The following PRKAG2 variants were observed in gnomAD, a reference collection of about 807,000 sequenced individuals.
PRKAG2 encodes the protein 5'-AMP-activated protein kinase subunit gamma-2.
A neutral mutation model predicts 69.6 loss-of-function variants in PRKAG2; 26 were observed. The ratio of observed to expected loss-of-function variants is 0.37; its 90% confidence interval spans 0.27 to 0.52. PRKAG2 has a LOEUF of 0.52. PRKAG2 is among the 20% of genes least tolerant of loss of function. PRKAG2 has a pLI of 0.90. For missense variants in PRKAG2, 557 were observed against 740.0 expected (o/e 0.75, Z 2.87); for synonymous variants, 293 against 285.0 (o/e 1.03, Z -0.28).
intron 3 of PRKAG2, among the ~76,000 whole-genome samples, chr7:151,723,365 T>C (rs1489881104): frequency 6.6e-6 from 1 of 152,208 alleles, no homozygotes; most frequent in Non-Finnish European, 1.5e-5. Context: ...TGAAGGACCA[T>C]GACGCATTCG....
At chr7:151,715,890 G>C (rs1015676994) in intron 3 of PRKAG2, among the ~76,000 whole-genome samples, 1 of 152,196 alleles carries the variant, frequency 6.6e-6, no homozygotes, top group Non-Finnish European at 1.5e-5. Context: ...TCGCTCACAG[G>C]GCGGCGGTCC....
chr7:151,644,737 G>A (rs1827283412), intron 4 of PRKAG2, among the ~76,000 whole-genome samples: 1 of 152,174 alleles, frequency 6.6e-6, no homozygotes, highest in South Asian at 2.1e-4. Flanking sequence ...GTAGGTGTGT[G>A]TTTAATATGA....
intron 1 of PRKAG2, among the ~76,000 whole-genome samples, chr7:151,862,361 A>C (rs1465353262): frequency 6.6e-6 from 1 of 152,164 alleles, no homozygotes; most frequent in African/African-American, 2.4e-5. Flanking sequence ...ACAAGACATG[A>C]TTTGTCTGAA....
intron 3 of PRKAG2, among the ~76,000 whole-genome samples, chr7:151,757,865 G>A (rs535820971): frequency 2.6e-4 from 39 of 152,352 alleles, no homozygotes; most frequent in African/African-American, 8.4e-4. Flanking sequence ...ATATTGCTTC[G>A]TAAAAGGGCT....
intron 2 of PRKAG2, among the ~76,000 whole-genome samples, chr7:151,783,089 TC>T (rs1475814035): frequency 6.6e-6 from 1 of 152,180 alleles, no homozygotes; most frequent in African/African-American, 2.4e-5. Flanking sequence ...CTGGGGACGT[TC>T]TTCCGCCACT....
intron 1 of PRKAG2, among the ~76,000 whole-genome samples, chr7:151,804,305 T>C (rs1166779461): frequency 6.6e-6 from 1 of 152,228 alleles, no homozygotes; most frequent in Non-Finnish European, 1.5e-5. Flanking sequence ...AATAAAAACT[T>C]GGTCCATACT....
rs774372457 is a variant in PRKAG2, at chr7:151,576,382, T to C, written c.935A>G (p.Gln312Arg). The C allele has an allele frequency of 6.2e-7, 1 of 1,607,092 alleles. No individual in the cohort carries two copies. Among genetic ancestry groups the C allele is most frequent in the Non-Finnish European group, 8.5e-7 (1 of 1,173,664 alleles). ...RAAPLWESKK[Q>R]SFVGMLTITD... ...CCCACACTGCTTACCTACAAAACTTTGTTTTTTACTCTCCCACAGTGGCGC... is the reference window on the plus strand; with the variant it reads ...CCCACACTGCTTACCTACAAAACTTCGTTTTTTACTCTCCCACAGTGGCGC... The change falls in exon 7 of 16, where the codon CAA becomes CGA. Residue 312 changes from glutamine to arginine, a missense_variant. This residue lies in a region of PRKAG2 where 205 missense variants were observed against 383.4 expected (regional missense o/e 0.53). Coordinates refer to ENST00000287878, the MANE Select transcript of PRKAG2 (RefSeq NM_016203.4).
chr7:151,595,457 A>G lies in PRKAG2; in HGVS notation c.755-3T>C, dbSNP rs771547169. The G allele has an allele frequency of 1.9e-6, 3 of 1,601,458 alleles. No homozygotes were observed. Among genetic ancestry groups the G allele is most frequent in the South Asian group, 1.1e-5 (1 of 90,814 alleles). On this transcript the variant is annotated splice_region_variant and splice_polypyrimidine_tract_variant and intron_variant, in intron 5 of 15. Transcript: ENST00000287878. ...ACCACTTTCTGAGTCTTCTACTGCTAAAAGAAAAAAAGGCAAAACATCAGT... is the reference window on the plus strand; with the variant it reads ...ACCACTTTCTGAGTCTTCTACTGCTGAAAGAAAAAAAGGCAAAACATCAGT...
intron 1 of PRKAG2, among the ~76,000 whole-genome samples, chr7:151,792,168 G>A (rs1041994333): frequency 1.8e-4 from 28 of 152,176 alleles, no homozygotes; most frequent in Admixed American, 1.2e-3. Flanking sequence ...TTGGCACAGT[G>A]TGACCTCAGG....
At chr7:151,709,637 T>G (rs1585952524) in intron 3 of PRKAG2, among the ~76,000 whole-genome samples, 2 of 152,142 alleles carry the variant, frequency 1.3e-5, no homozygotes, top group East Asian at 3.9e-4. Context: ...CATGTGACTG[T>G]CAGTGACATG....
At position 151,632,499 on chromosome 7, in the gene PRKAG2, C is replaced by G; in HGVS notation, c.685-361G>C. 1.1e-6 allele frequency: 1 copy of G among 888,218 alleles called. No individual in the cohort carries two copies. Among genetic ancestry groups the G allele is most frequent in the Non-Finnish European group, 1.3e-6 (1 of 741,894 alleles). 55.0% of individuals were successfully genotyped at this position (888,218 alleles called of 1,614,324 possible). A position where few individuals can be genotyped will look rare whatever the true frequency, so the allele number is the denominator to read the frequency against. ...GGCGCCCCCCTCCGGCCGTGGCCCG[C>G]GTCCTCCCCGCCGTGCCGCCATTGG... On this transcript the variant is annotated intron_variant, in intron 4 of 15. Coordinates refer to ENST00000287878, the MANE Select transcript of PRKAG2 (RefSeq NM_016203.4). The surrounding 1 kb of genome is among the most constrained non-coding windows in gnomAD (Gnocchi z 4.2).
At chr7:151,697,878 G>T (rs1007819332) in intron 3 of PRKAG2, among the ~76,000 whole-genome samples, 13 of 152,208 alleles carry the variant, frequency 8.5e-5, no homozygotes, top group Non-Finnish European at 1.5e-4. Flanking sequence ...GGGTCAAGGC[G>T]AATCCAAGCT....
At position 151,729,127 on chromosome 7, in the gene PRKAG2, G is replaced by C. The variant is rs1174965088; in HGVS notation, c.466+52025C>G. ...TGACGTAGGGAGAACAGGCAGATGG[G>C]TTATGAGCTTTTCCAGGCATGGATG... On this transcript the variant is annotated intron_variant, in intron 3 of 15. Transcript: ENST00000287878. Among the ~76,000 whole-genome samples, 29 of 126,642 alleles carry C rather than the reference G, an allele frequency of 2.3e-4. 1 individual carries two copies. The South Asian group carries it at 8.2e-3, about 36-fold the overall frequency. 83.1% of individuals were successfully genotyped at this position (126,642 alleles called of 152,430 possible).
chr7:151,710,390 CAA>C (rs1795096623), intron 3 of PRKAG2, among the ~76,000 whole-genome samples: 2 of 152,206 alleles, frequency 1.3e-5, no homozygotes, highest in South Asian at 4.1e-4. Flanking sequence ...CTCCCCACCA[CAA>C]AAGACTCCCC....
At chr7:151,837,533 A>C (rs777501831) in intron 1 of PRKAG2, 3 of 152,236 alleles carry the variant, frequency 2.0e-5, no homozygotes, top group Non-Finnish European at 4.4e-5. Flanking sequence ...ATATTAGTAT[A>C]GTCATGGTTA....
intron 1 of PRKAG2, among the ~76,000 whole-genome samples, chr7:151,871,057 C>T (rs980313753): frequency 2.4e-4 from 36 of 152,208 alleles, no homozygotes; most frequent in Admixed American, 6.5e-5. Flanking sequence ...ATCTCTCTGA[C>T]GTCTTCCCTC....
chr7:151,785,054 A>C (rs1194161283), intron 2 of PRKAG2, among the ~76,000 whole-genome samples: 1 of 152,268 alleles, frequency 6.6e-6, no homozygotes, highest in Non-Finnish European at 1.5e-5. Context: ...CTATAGCCAA[A>C]TGATATGTTG....
intron 4 of PRKAG2, among the ~76,000 whole-genome samples, chr7:151,662,621 G>A (rs1830491815): frequency 6.6e-6 from 1 of 152,142 alleles, no homozygotes; most frequent in Non-Finnish European, 1.5e-5. Context: ...TCCATAAAAT[G>A]CAAGTCTGTT....
chr7:151,781,647 C>T lies in PRKAG2; in HGVS notation c.187-216G>A, dbSNP rs77328922. Among the ~76,000 whole-genome samples, 2 of 152,304 alleles carry T rather than the reference C, an allele frequency of 1.3e-5. No homozygotes were observed. The highest frequency in any genetic ancestry group is 2.4e-5 in the African/African-American group (1 of 41,564). ...GGCCCCTCACAGGCTGGCAGCACCA[C>T]GTCCTGGAGGTCCACTGACCATCCT... On this transcript the variant is annotated intron_variant, in intron 2 of 15. Coordinates refer to ENST00000287878, the MANE Select transcript of PRKAG2 (RefSeq NM_016203.4). This position sits in a 1 kb window ranked among gnomAD's most constrained non-coding sequence, Gnocchi z 6.1.
Sources: gnomAD v4.1 joint callset for allele counts (sites outside exome capture counted in the v4.1 genomes callset) on GRCh38, gnomAD v4.1.1 for gene constraint, gnomAD v4.1.1 regional missense constraint, Gnocchi (gnomAD v3.1) non-coding constraint, MANE v1.5 for transcripts, NCBI Gene and HGNC (gene_info 2026-07-23, HGNC 2026-07-21) for gene names.